Variants in TMEM117 observed in about 807,000 individuals in gnomAD.
TMEM117 encodes the protein transmembrane protein 117.
A neutral mutation model predicts 52.4 loss-of-function variants in TMEM117; 27 were observed. That is an observed-to-expected ratio of 0.51 (90% CI 0.38 to 0.71). TMEM117 has a LOEUF of 0.71. Ranked by LOEUF, TMEM117 falls within the 30% of genes least tolerant of loss-of-function variation. The pLI is 0.00. For missense variants in TMEM117, 556 were observed against 630.5 expected, an observed-to-expected ratio of 0.88 and a Z score of 1.26; for synonymous variants, 215 against 206.3, an observed-to-expected ratio of 1.04 and a Z score of -0.36.
At chr12:44,123,293 A>G (rs1948268116) in intron 3 of TMEM117, among the ~76,000 whole-genome samples, 1 of 151,266 alleles carries the variant, frequency 6.6e-6, no homozygotes, top group African/African-American at 2.4e-5. Flanking sequence ...TTTGCTGAAT[A>G]TTAGATGTTT....
intron 3 of TMEM117, among the ~76,000 whole-genome samples, chr12:44,030,440 A>T (rs1258814332): frequency 1.3e-5 from 2 of 152,186 alleles, no homozygotes; most frequent in Non-Finnish European, 2.9e-5. Context: ...CTAGTACATA[A>T]TTAAAATCGC....
chr12:44,190,802 G>A (rs1949341131), intron 4 of TMEM117, among the ~76,000 whole-genome samples: 1 of 151,134 alleles, frequency 6.6e-6, no homozygotes, highest in African/African-American at 2.4e-5. Flanking sequence ...ACCGAAGCAT[G>A]AATGTATTTC....
chr12:44,279,985 A>C (rs1200030504), intron 5 of TMEM117, among the ~76,000 whole-genome samples: 2 of 152,252 alleles, frequency 1.3e-5, no homozygotes, highest in East Asian at 3.9e-4. Context: ...GGATTTCTTA[A>C]GCTATCTCTG....
intron 5 of TMEM117, among the ~76,000 whole-genome samples, chr12:44,267,789 A>G (rs1950397095): frequency 6.6e-6 from 1 of 152,138 alleles, no homozygotes. Context: ...GACTTACTTT[A>G]TTCAACATAA....
chr12:44,177,374 A>G (rs1359322604), intron 4 of TMEM117, among the ~76,000 whole-genome samples: 1 of 152,220 alleles, frequency 6.6e-6, no homozygotes, highest in Non-Finnish European at 1.5e-5. Context: ...ACCTCTTTGC[A>G]ATCCTGTCAC....
At chr12:43,875,027 A>G (rs1592324964) in intron 2 of TMEM117, among the ~76,000 whole-genome samples, 3 of 152,370 alleles carry the variant, frequency 2.0e-5, no homozygotes, top group Admixed American at 1.3e-4. Flanking sequence ...GAACTTGTTC[A>G]TACAAACTGT....
intron 6 of TMEM117, among the ~76,000 whole-genome samples, chr12:44,365,495 C>G (rs1201686021): frequency 1.3e-5 from 2 of 151,948 alleles, no homozygotes; most frequent in Non-Finnish European, 2.9e-5. Flanking sequence ...GAAGTCTTTT[C>G]AATCAGACTG....
chr12:44,373,426 G>A (rs1408672252), intron 6 of TMEM117, among the ~76,000 whole-genome samples: 1 of 152,222 alleles, frequency 6.6e-6, no homozygotes, highest in Admixed American at 6.5e-5. Context: ...AGGAGAACAC[G>A]ACTTTCTTCC....
intron 1 of TMEM117, among the ~76,000 whole-genome samples, chr12:43,842,470 A>G (rs571798354): frequency 1.7e-5 from 2 of 119,912 alleles, no homozygotes; most frequent in South Asian, 4.6e-4. Flanking sequence ...TATATTGCCA[A>G]TGTTTATATT....
chr12:44,202,946 G>A (rs1404832014), intron 4 of TMEM117, among the ~76,000 whole-genome samples: 4 of 151,820 alleles, frequency 2.6e-5, no homozygotes, highest in Non-Finnish European at 5.9e-5. Context: ...GTACCACCAC[G>A]CCTGGATTTT....
intron 3 of TMEM117, among the ~76,000 whole-genome samples, chr12:44,130,713 A>C (rs1355323744): frequency 6.6e-6 from 1 of 152,052 alleles, no homozygotes; most frequent in Non-Finnish European, 1.5e-5. Context: ...AGTAGTTACA[A>C]ATCTACTTTT....
chr12:44,076,757 A>T (rs1947389319), intron 3 of TMEM117, among the ~76,000 whole-genome samples: 1 of 152,224 alleles, frequency 6.6e-6, no homozygotes, highest in African/African-American at 2.4e-5. Flanking sequence ...ACTATAATAA[A>T]TATAGCCCTT....
chr12:43,902,281 G>GTA lies in TMEM117; in HGVS notation c.278-41927_278-41926dup, dbSNP rs1944316562. 2.0e-5 allele frequency among the ~76,000 whole-genome samples: 3 copies of GTA among 152,266 alleles called. No individual in the cohort carries two copies. In the South Asian group the frequency reaches 6.2e-4, roughly 32 times the overall value. On this transcript the variant is annotated intron_variant, in intron 2 of 7. Transcript: ENST00000266534. Reference sequence around the variant, plus strand: ...GATTATTTCAGGAAGATACTTTATGGTATCCAGAGAGCTGACATAATGGTT... The same window carrying GTA: ...GATTATTTCAGGAAGATACTTTATGGTATATCCAGAGAGCTGACATAATGGTT...
chr12:43,866,141 G>T (rs540254429), intron 2 of TMEM117, among the ~76,000 whole-genome samples: 3 of 151,852 alleles, frequency 2.0e-5, no homozygotes, highest in Admixed American at 1.3e-4. Context: ...AAGATAAAGA[G>T]AAAATTTTGA....
At chr12:44,338,907 A>G (rs1453395836) in intron 6 of TMEM117, among the ~76,000 whole-genome samples, 1 of 152,098 alleles carries the variant, frequency 6.6e-6, no homozygotes, top group African/African-American at 2.4e-5. Flanking sequence ...TGGGTGGAGC[A>G]AGCTCTGGGC....
At chr12:44,286,174 C>G (rs1431790700) in intron 5 of TMEM117, among the ~76,000 whole-genome samples, 1 of 151,786 alleles carries the variant, frequency 6.6e-6, no homozygotes, top group East Asian at 1.9e-4. Flanking sequence ...AAAAAGAAAT[C>G]AAAGTTATTT....
At chr12:44,147,595 G>T (rs1170976535) in intron 4 of TMEM117, among the ~76,000 whole-genome samples, 2 of 152,074 alleles carry the variant, frequency 1.3e-5, no homozygotes, top group Admixed American at 6.6e-5. Flanking sequence ...TGAGGTTCTT[G>T]TTGGGGTGAG....
chr12:44,299,307 A>G (rs1950808317), intron 5 of TMEM117, among the ~76,000 whole-genome samples: 2 of 151,704 alleles, frequency 1.3e-5, no homozygotes, highest in Non-Finnish European at 2.9e-5. Flanking sequence ...ATTTTTTTGT[A>G]TTTTTAGTAG....
At chr12:44,102,985 G>A (rs927796057) in intron 3 of TMEM117, among the ~76,000 whole-genome samples, 7 of 151,898 alleles carry the variant, frequency 4.6e-5, no homozygotes, top group African/African-American at 7.3e-5. Flanking sequence ...TTCCCCTTCC[G>A]CCATGATTGT....
Sources: allele counts gnomAD v4.1 joint callset (sites outside exome capture counted in the v4.1 genomes callset), GRCh38; gene constraint gnomAD v4.1.1; transcripts MANE v1.5; gene names NCBI Gene and HGNC (gene_info 2026-07-23, HGNC 2026-07-21).